DLC1: variants seen among roughly 807,000 people sequenced by gnomAD.
The protein encoded by DLC1 is DLC1 Rho GTPase activating protein.
DLC1 carries 54 observed loss-of-function variants against 140.3 expected under a neutral mutation model. That is an observed-to-expected ratio of 0.38 (90% confidence interval 0.31 to 0.48). The LOEUF (loss-of-function observed/expected upper bound fraction) is 0.48, where lower values mean the gene tolerates loss of function less well. DLC1 is among the 20% of genes least tolerant of loss of function. The probability of loss-of-function intolerance (pLI) is 0.96; values close to 1 mark genes in which losing one functional copy is unlikely to be tolerated. For synonymous variants in DLC1, 986 were observed against 728.1 expected (o/e 1.35, Z -5.70); for missense variants, 2,536 against 1,907.0 (o/e 1.33, Z -6.14).
intron 1 of DLC1, among the ~76,000 whole-genome samples, chr8:13,580,264 A>C (rs1209323414): frequency 6.6e-6 from 1 of 152,084 alleles, no homozygotes. Context: ...CTGGGCCTAC[A>C]GGCGACCGCC....
chr8:13,455,774 G>A (rs1388234280), intron 2 of DLC1, among the ~76,000 whole-genome samples: 2 of 152,154 alleles, frequency 1.3e-5, no homozygotes, highest in Non-Finnish European at 2.9e-5. Context: ...ACTTTGAGAG[G>A]CCAAGGCTGG....
At chr8:13,357,016 C>G (rs967989666) in intron 4 of DLC1, among the ~76,000 whole-genome samples, 1 of 151,632 alleles carries the variant, frequency 6.6e-6, no homozygotes, top group African/African-American at 2.4e-5. Flanking sequence ...CGCCTGTAAT[C>G]CCAACACTTA....
intron 1 of DLC1, among the ~76,000 whole-genome samples, chr8:13,500,444 T>C (rs939873670): frequency 6.6e-6 from 1 of 152,228 alleles, no homozygotes; most frequent in African/African-American, 2.4e-5. Flanking sequence ...GATTGGTCCA[T>C]TAATGAATAA....
chr8:13,351,935 T>C (rs1323629773), intron 4 of DLC1, among the ~76,000 whole-genome samples: 1 of 152,254 alleles, frequency 6.6e-6, no homozygotes, highest in African/African-American at 2.4e-5. Flanking sequence ...TGTTTCACCA[T>C]GTTGGCCAGG....
intron 1 of DLC1, among the ~76,000 whole-genome samples, chr8:13,564,755 A>C (rs887972616): frequency 5.9e-5 from 9 of 152,330 alleles, no homozygotes; most frequent in Non-Finnish European, 7.4e-5. Context: ...ATCATTAAGG[A>C]AAAAGCTGGG....
At chr8:13,320,588 C>A (rs926683994) in intron 4 of DLC1, among the ~76,000 whole-genome samples, 1 of 151,928 alleles carries the variant, frequency 6.6e-6, no homozygotes, top group Non-Finnish European at 1.5e-5. Context: ...AAATTTGATC[C>A]CCGATGTTGG....
chr8:13,498,536 C>A (rs1252821099), intron 2 of DLC1, among the ~76,000 whole-genome samples: 2 of 152,064 alleles, frequency 1.3e-5, no homozygotes, highest in African/African-American at 4.8e-5. Flanking sequence ...ATGGCACCAG[C>A]ACATTTTGGG....
chr8:13,507,510 A>G (rs1802150053), intron 1 of DLC1, among the ~76,000 whole-genome samples: 1 of 152,220 alleles, frequency 6.6e-6, no homozygotes, highest in African/African-American at 2.4e-5. Flanking sequence ...TAAACATTTA[A>G]TAACATGATG....
intron 4 of DLC1, among the ~76,000 whole-genome samples, chr8:13,315,641 C>T (rs910476361): frequency 1.3e-5 from 2 of 152,300 alleles, no homozygotes; most frequent in East Asian, 3.9e-4. Context: ...TCAATTTCTT[C>T]TATTCCATTG....
At chr8:13,586,775 G>T (rs776987699) in intron 1 of DLC1, among the ~76,000 whole-genome samples, 4 of 151,960 alleles carry the variant, frequency 2.6e-5, no homozygotes, top group Non-Finnish European at 5.9e-5. Context: ...ATACAGAACA[G>T]TTCCATCACC....
chr8:13,511,469 T>A (rs2117253348), intron 1 of DLC1, among the ~76,000 whole-genome samples: 1 of 152,304 alleles, frequency 6.6e-6, no homozygotes, highest in South Asian at 2.1e-4. Context: ...TTCTTAAAAA[T>A]TAGCCCATTT....
At chr8:13,569,533 T>A (rs994095210) in intron 1 of DLC1, among the ~76,000 whole-genome samples, 1 of 152,180 alleles carries the variant, frequency 6.6e-6, no homozygotes, top group Admixed American at 6.5e-5. Context: ...TCTGAATAAT[T>A]TTCCCTTTAG....
At chr8:13,557,303 T>C (rs1001779139) in intron 1 of DLC1, among the ~76,000 whole-genome samples, 1 of 152,186 alleles carries the variant, frequency 6.6e-6, no homozygotes, top group Non-Finnish European at 1.5e-5. Context: ...GCAACAGACA[T>C]GGAACACGTG....
rs371014197 is a variant in DLC1 at position 13,493,525 on chromosome 8, G to A, written c.1023+5524C>T. ...GATCTGGGTAATTAGAAGAGCCATC[G>A]TTCCAAACATTGATCATGTCTGAGA... On this transcript the variant is annotated intron_variant, in intron 2 of 17. Coordinates refer to ENST00000276297, the MANE Select transcript of DLC1 (RefSeq NM_182643.3). Among the ~76,000 whole-genome samples the A allele has an allele frequency of 2.1e-4, 32 of 152,184 alleles. No individual in the cohort carries two copies. The East Asian group carries it at 4.8e-3, about 23-fold the overall frequency.
At chr8:13,355,122 TAA>T (rs1834868723) in intron 4 of DLC1, among the ~76,000 whole-genome samples, 1 of 4,920 alleles carries the variant, frequency 2.0e-4, no homozygotes, top group Non-Finnish European at 5.6e-4. Context: ...CATAAAGAAT[TAA>T]TTATTCAAAT....
At chr8:13,173,805 C>T (rs1825620105) in intron 5 of DLC1, among the ~76,000 whole-genome samples, 1 of 152,148 alleles carries the variant, frequency 6.6e-6, no homozygotes, top group South Asian at 2.1e-4. Flanking sequence ...ACTAATTTAC[C>T]TGGCCCATGT....
chr8:13,470,720 G>T (rs904158640), intron 2 of DLC1, among the ~76,000 whole-genome samples: 3 of 152,096 alleles, frequency 2.0e-5, no homozygotes, highest in Non-Finnish European at 4.4e-5. Context: ...ACAGTATGGA[G>T]GTCCTAAAAA....
intron 2 of DLC1, among the ~76,000 whole-genome samples, chr8:13,441,433 A>G (rs1020663376): frequency 2.0e-5 from 3 of 152,248 alleles, no homozygotes; most frequent in Non-Finnish European, 4.4e-5. Context: ...CTGTTTGCAG[A>G]CAACATGATT....
intron 5 of DLC1, among the ~76,000 whole-genome samples, chr8:13,212,989 TG>T (rs1181572052): frequency 6.6e-6 from 1 of 152,240 alleles, no homozygotes; most frequent in Non-Finnish European, 1.5e-5. Context: ...GATTTTTAAA[TG>T]GCTTAATTTT....
Sources: allele counts gnomAD v4.1 joint callset (sites outside exome capture counted in the v4.1 genomes callset), GRCh38; gene constraint gnomAD v4.1.1; transcripts MANE v1.5; gene names NCBI Gene and HGNC (gene_info 2026-07-23, HGNC 2026-07-21).